The following RGS3 variants were observed in gnomAD, a reference collection of about 807,000 sequenced individuals.
The protein encoded by RGS3 is regulator of G-protein signalling 3.
A neutral mutation model predicts 132.6 loss-of-function variants in RGS3; 80 were observed. The ratio of observed to expected loss-of-function variants is 0.60; its 90% CI spans 0.50 to 0.73. The LOEUF is 0.73. RGS3 is among the 30% of genes least tolerant of loss of function. The probability of loss-of-function intolerance (pLI) is 0.00; values close to 1 mark genes in which losing one functional copy is unlikely to be tolerated. For synonymous variants in RGS3, 598 were observed against 620.6 expected (o/e 0.96, Z 0.54); for missense variants, 1,382 against 1,530.8 (o/e 0.90, Z 1.62).
intron 8 of RGS3, among the ~76,000 whole-genome samples, chr9:113,496,462 T>G (rs1830686055): frequency 1.3e-5 from 2 of 152,136 alleles, no homozygotes; most frequent in African/African-American, 4.8e-5. Context: ...GCTTGTGGCA[T>G]GGCCTGCCAC....
At chr9:113,548,381 TGTCTA>T (rs1477010800) in intron 19 of RGS3, among the ~76,000 whole-genome samples, 1 of 152,192 alleles carries the variant, frequency 6.6e-6, no homozygotes, top group East Asian at 1.9e-4. Context: ...GGGGAGAGGT[TGTCTA>T]GTCCTCTGGC....
chr9:113,580,834 C>G (rs753948629), intron 19 of RGS3: 3 of 985,698 alleles, frequency 3.0e-6, no homozygotes, highest in Non-Finnish European at 3.6e-6. Context: ...AAGGGGTGGG[C>G]GGGCTCTGAC....
chr9:113,553,454 AAAAAAATATATAT>A (rs1340617335), intron 19 of RGS3, among the ~76,000 whole-genome samples: 4,052 of 106,504 alleles, frequency 0.038, 181 homozygotes, highest in Non-Finnish European at 0.058. Flanking sequence ...AAAAAAAAAA[AAAAAAATATATAT>A]ATATATATAT....
exon 24 of RGS3, chr9:113,595,754 G>A: frequency 1.2e-6 from 2 of 1,613,926 alleles, no homozygotes; most frequent in African/African-American, 1.3e-5. Context: ...CGCGATCCAG[G>A]CATGCAAGGA....
At chr9:113,445,188 CT>C (rs763073048) in intron 1 of RGS3, among the ~76,000 whole-genome samples, 2,180 of 142,638 alleles carry the variant, frequency 0.015, 39 homozygotes, top group African/African-American at 0.049. Flanking sequence ...TTTTCTTTTT[CT>C]TTTTTTTTTT....
At chr9:113,468,803 A>G (rs1829730980) in intron 3 of RGS3, among the ~76,000 whole-genome samples, 1 of 152,074 alleles carries the variant, frequency 6.6e-6, no homozygotes, top group Non-Finnish European at 1.5e-5. Flanking sequence ...GGGTCTGGAG[A>G]TGGTGGGCAA....
intron 6 of RGS3, 85 bp from the exon 5 acceptor site, chr9:113,485,540 T>C (rs1830304423): frequency 9.8e-7 from 1 of 1,016,386 alleles, no homozygotes. Flanking sequence ...TTCCACATTT[T>C]TGGAATTATG....
intron 19 of RGS3, chr9:113,582,847 G>A (rs573082980): frequency 2.1e-4 from 33 of 156,204 alleles, no homozygotes; most frequent in Admixed American, 7.4e-4. Flanking sequence ...GTGAGTCCAG[G>A]TGTGGACAAT....
intron 1 of RGS3, among the ~76,000 whole-genome samples, chr9:113,452,993 T>C (rs1281873516): frequency 1.5e-5 from 2 of 130,040 alleles, no homozygotes; most frequent in African/African-American, 5.8e-5. Flanking sequence ...ATATATAATA[T>C]ATAAATATAA....
At chr9:113,544,898 T>G (rs1381499462) in intron 19 of RGS3, among the ~76,000 whole-genome samples, 1 of 152,230 alleles carries the variant, frequency 6.6e-6, no homozygotes, top group Admixed American at 6.5e-5. Flanking sequence ...ATATCCGGCA[T>G]GTCAGAAGCT....
intron 16 of RGS3, chr9:113,522,613 C>T (rs12339617): frequency 2.9e-5 from 9 of 315,190 alleles, no homozygotes; most frequent in Middle Eastern, 9.2e-4. Context: ...ATGTAGGCTT[C>T]GGGGATCAGG....
intron 19 of RGS3, among the ~76,000 whole-genome samples, chr9:113,560,220 T>G (rs1833733415): frequency 6.6e-6 from 1 of 152,182 alleles, no homozygotes; most frequent in Non-Finnish European, 1.5e-5. Context: ...GGACAACCAC[T>G]TCCTGGTCTC....
At chr9:113,461,975 C>A (rs747982326) in intron 2 of RGS3, 1 of 1,600,896 alleles carries the variant, frequency 6.2e-7, no homozygotes, top group South Asian at 1.1e-5. Context: ...TTGCATGGAG[C>A]ATCTTCAGGC....
chr9:113,567,955 C>T (rs772817634), intron 19 of RGS3, among the ~76,000 whole-genome samples: 1 of 152,262 alleles, frequency 6.6e-6, no homozygotes, highest in South Asian at 2.1e-4. Context: ...GCCTTGAGAG[C>T]TGCTTCCCAT....
At chr9:113,514,953 C>A (rs1443394305) in intron 15 of RGS3, among the ~76,000 whole-genome samples, 1 of 152,124 alleles carries the variant, frequency 6.6e-6, no homozygotes, top group Non-Finnish European at 1.5e-5. Flanking sequence ...CTGCTTGTTG[C>A]CATGTCACAG....
intron 4 of RGS3, among the ~76,000 whole-genome samples, chr9:113,481,833 G>C (rs1176456873): frequency 6.6e-6 from 1 of 152,136 alleles, no homozygotes; most frequent in Non-Finnish European, 1.5e-5. Context: ...AATCACCTGA[G>C]GTCGGGAGTT....
chr9:113,505,630 C>T (rs905727639), intron 11 of RGS3, 107 bp downstream of exon 9: 2 of 813,386 alleles, frequency 2.5e-6, no homozygotes, highest in South Asian at 1.5e-5. Flanking sequence ...AGCAAAGTGT[C>T]CTGGCTTTTC....
chr9:113,588,435 A>G (rs75140326), intron 20 of RGS3, among the ~76,000 whole-genome samples: 2,121 of 152,324 alleles, frequency 0.014, 47 homozygotes, highest in African/African-American at 0.049. Context: ...ACCAGGACCA[A>G]TAGGGAAACC....
chr9:113,518,773 T>C (rs1411609542), intron 16 of RGS3, among the ~76,000 whole-genome samples: 1 of 152,164 alleles, frequency 6.6e-6, no homozygotes, highest in Non-Finnish European at 1.5e-5. Context: ...TCTTTGCATA[T>C]CTTCTGAATT....
Sources: gnomAD v4.1 joint callset for allele counts (sites outside exome capture counted in the v4.1 genomes callset) on GRCh38, gnomAD v4.1.1 for gene constraint, MANE v1.5 for transcripts, NCBI Gene and HGNC (gene_info 2026-07-23, HGNC 2026-07-21) for gene names.